Variants in ATP9A observed in about 807,000 individuals in gnomAD.
ATP9A encodes the protein probable phospholipid-transporting ATPase IIA.
In ATP9A, 52 loss-of-function variants were observed where a neutral mutation model predicts 144.1. The ratio of observed to expected loss-of-function variants is 0.36; its 90% CI spans 0.29 to 0.45. The LOEUF (loss-of-function observed/expected upper bound fraction) is 0.45, where lower values mean the gene tolerates loss of function less well. ATP9A is among the 20% of genes least tolerant of loss of function. The probability of loss-of-function intolerance (pLI) is 1.00; values close to 1 mark genes in which losing one functional copy is unlikely to be tolerated. For synonymous variants in ATP9A, 582 were observed against 557.4 expected (o/e 1.04, Z -0.62); for missense variants, 947 against 1,392.7 (o/e 0.68, Z 5.09).
At chr20:51,639,207 G>C in intron 15 of ATP9A, 136 bp downstream of exon 15, 3 of 991,956 alleles carry the variant, frequency 3.0e-6, no homozygotes, top group Non-Finnish European at 3.0e-6. Context: ...TTTCTGCTTA[G>C]GGAATTATAT....
intron 15 of ATP9A, among the ~76,000 whole-genome samples, chr20:51,633,764 G>GAGAAA (rs141303920): frequency 0.3 from 44,129 of 146,938 alleles, 6,802 homozygotes; most frequent in Non-Finnish European, 0.34. Context: ...AAGAAAAGAA[G>GAGAAA]AGAAAAGAAA....
intron 20 of ATP9A, 54 bp downstream of exon 20, chr20:51,618,900 C>G: frequency 1.2e-6 from 2 of 1,601,610 alleles, no homozygotes; most frequent in Non-Finnish European, 1.7e-6. Flanking sequence ...CTGCCGAAGC[C>G]GGGTAAGACC....
At chr20:51,682,971 A>T (rs2077506796) in intron 9 of ATP9A, among the ~76,000 whole-genome samples, 1 of 151,046 alleles carries the variant, frequency 6.6e-6, no homozygotes, top group Non-Finnish European at 1.5e-5. Flanking sequence ...GCATGCCTGT[A>T]ATCCCAGCTA....
intron 14 of ATP9A, among the ~76,000 whole-genome samples, chr20:51,644,701 A>G (rs2077334933): frequency 1.3e-5 from 2 of 152,138 alleles, no homozygotes; most frequent in South Asian, 2.1e-4. Context: ...AAGCTAAAAA[A>G]CCCTGACTAA....
chr20:51,645,171 T>TG (rs2077337108), intron 14 of ATP9A, among the ~76,000 whole-genome samples: 1 of 152,236 alleles, frequency 6.6e-6, no homozygotes, highest in African/African-American at 2.4e-5. Flanking sequence ...CTTAGGAGCC[T>TG]ACGACAGCTA....
At chr20:51,714,035 T>TC (rs531448132) in intron 3 of ATP9A, among the ~76,000 whole-genome samples, 200 of 151,684 alleles carry the variant, frequency 1.3e-3, no homozygotes, top group African/African-American at 4.6e-3. Context: ...GCCTCTCGAG[T>TC]AGCTGGGACT....
chr20:51,677,097 C>A (rs2077480670), intron 9 of ATP9A, among the ~76,000 whole-genome samples: 1 of 151,352 alleles, frequency 6.6e-6, no homozygotes, highest in Non-Finnish European at 1.5e-5. Flanking sequence ...CCATGCTTGG[C>A]TAATTTTTGT....
intron 4 of ATP9A, among the ~76,000 whole-genome samples, chr20:51,709,316 A>C (rs1406373693): frequency 6.6e-6 from 1 of 152,118 alleles, no homozygotes; most frequent in Non-Finnish European, 1.5e-5. Flanking sequence ...GGAGTTCAAG[A>C]CCAGCCTGGC....
At chr20:51,718,376 G>C (rs749882209) in intron 3 of ATP9A, among the ~76,000 whole-genome samples, 1 of 151,192 alleles carries the variant, frequency 6.6e-6, no homozygotes, top group Non-Finnish European at 1.5e-5. Context: ...GTGTGTGTGG[G>C]GGGGGGTTGT....
intron 4 of ATP9A, among the ~76,000 whole-genome samples, chr20:51,707,101 T>C (rs2077617728): frequency 1.3e-5 from 2 of 152,162 alleles, no homozygotes; most frequent in South Asian, 4.2e-4. Context: ...CTTGATGCTC[T>C]TTTTGGAGAA....
chr20:51,647,691 T>C (rs2077347475), intron 14 of ATP9A, among the ~76,000 whole-genome samples: 1 of 151,792 alleles, frequency 6.6e-6, no homozygotes, highest in Non-Finnish European at 1.5e-5. Context: ...GATTGCACCT[T>C]TGCACTCCAG....
At chr20:51,652,861 C>G (rs1055438077) in intron 14 of ATP9A, among the ~76,000 whole-genome samples, 8 of 151,958 alleles carry the variant, frequency 5.3e-5, no homozygotes, top group African/African-American at 1.9e-4. Context: ...GTAATCCCAA[C>G]ACTTTGGGAG....
At chr20:51,682,095 T>C (rs1272499104) in intron 9 of ATP9A, among the ~76,000 whole-genome samples, 2 of 151,876 alleles carry the variant, frequency 1.3e-5, no homozygotes, top group Non-Finnish European at 2.9e-5. Flanking sequence ...CCATCAAGCA[T>C]AGGGTGGAAG....
chr20:51,697,645 A>G (rs1191164727), intron 4 of ATP9A, among the ~76,000 whole-genome samples, 163 bp from the exon 5 acceptor site: 1 of 152,214 alleles, frequency 6.6e-6, no homozygotes, highest in Non-Finnish European at 1.5e-5. Context: ...CCTCTCCAGG[A>G]AAGGGTTCAA....
chr20:51,685,725 G>C (rs115807852), intron 9 of ATP9A, among the ~76,000 whole-genome samples: 1 of 152,162 alleles, frequency 6.6e-6, no homozygotes, highest in Non-Finnish European at 1.5e-5. Context: ...AGCAGGTGAC[G>C]GAGAGGATGT....
intron 4 of ATP9A, among the ~76,000 whole-genome samples, chr20:51,697,810 T>G (rs2077577055): frequency 6.6e-6 from 1 of 152,124 alleles, no homozygotes; most frequent in African/African-American, 2.4e-5. Context: ...CACTTAACAG[T>G]GACTTAGATG....
chr20:51,697,025 G>A (rs904288175), intron 5 of ATP9A, among the ~76,000 whole-genome samples: 2 of 152,124 alleles, frequency 1.3e-5, no homozygotes, highest in Admixed American at 6.6e-5. Context: ...AAGCACAATG[G>A]TTAGGTCAGG....
intron 1 of ATP9A, among the ~76,000 whole-genome samples, chr20:51,743,517 G>C (rs533942204): frequency 1.4e-5 from 2 of 142,270 alleles, no homozygotes; most frequent in East Asian, 4.2e-4. Context: ...CTACTCCCTC[G>C]ACCTCCCGAG....
intron 23 of ATP9A, 72 bp from the exon 24 acceptor site, chr20:51,610,237 A>G: frequency 1.6e-6 from 2 of 1,256,176 alleles, no homozygotes; most frequent in South Asian, 2.4e-5. Flanking sequence ...AATAAAAATA[A>G]CACCTGATAC....
Sources: allele counts gnomAD v4.1 joint callset (sites outside exome capture counted in the v4.1 genomes callset), GRCh38; gene constraint gnomAD v4.1.1; transcripts MANE v1.5; gene names NCBI Gene and HGNC (gene_info 2026-07-23, HGNC 2026-07-21).